Variants in PTPRT observed in about 807,000 individuals in gnomAD.
The protein encoded by PTPRT is receptor-type tyrosine-protein phosphatase T.
PTPRT carries 56 observed loss-of-function variants against 176.8 expected under a neutral mutation model. The ratio of observed to expected loss-of-function variants is 0.32; its 90% CI spans 0.26 to 0.40. The LOEUF is 0.40. PTPRT is among the 10% of genes least tolerant of loss of function. The pLI is 1.00. For synonymous variants in PTPRT, 783 were observed against 739.0 expected (o/e 1.06, Z -0.96); for missense variants, 1,540 against 1,908.2 (o/e 0.81, Z 3.60).
intron 6 of PTPRT, among the ~76,000 whole-genome samples, chr20:42,682,392 A>G (rs2146084946): frequency 6.6e-6 from 1 of 152,304 alleles, no homozygotes; most frequent in African/African-American, 2.4e-5. Flanking sequence ...CTCCTATACC[A>G]TTCCCTCTTA....
At chr20:43,184,421 G>A (rs931461547) in intron 1 of PTPRT, among the ~76,000 whole-genome samples, 1 of 152,146 alleles carries the variant, frequency 6.6e-6, no homozygotes, top group Non-Finnish European at 1.5e-5. Context: ...GGGTGCGGTG[G>A]CTCACACCTG....
intron 9 of PTPRT, among the ~76,000 whole-genome samples, chr20:42,413,921 G>A (rs2059040128): frequency 6.6e-6 from 1 of 152,138 alleles, no homozygotes; most frequent in Admixed American, 6.5e-5. Context: ...CGCAATCTTG[G>A]CTCACCGCAA....
intron 7 of PTPRT, among the ~76,000 whole-genome samples, chr20:42,621,434 C>T (rs779722012): frequency 6.6e-6 from 1 of 152,200 alleles, no homozygotes; most frequent in East Asian, 1.9e-4. Context: ...TAAGTTATCT[C>T]CACTTTTCTT....
chr20:42,205,604 C>T (rs769200864), intron 15 of PTPRT, among the ~76,000 whole-genome samples: 15 of 152,128 alleles, frequency 9.9e-5, no homozygotes, highest in Non-Finnish European at 1.3e-4. Context: ...ATCCAGCCAA[C>T]TGGTGGGGGC....
chr20:43,106,666 G>GAAA (rs71193676), intron 1 of PTPRT, among the ~76,000 whole-genome samples: 3 of 87,000 alleles, frequency 3.4e-5, no homozygotes. Context: ...CTCAAAAAAA[G>GAAA]AAAAAAAAAA....
At chr20:43,017,374 C>A (rs115087796) in intron 1 of PTPRT, among the ~76,000 whole-genome samples, 1 of 152,142 alleles carries the variant, frequency 6.6e-6, no homozygotes, top group Non-Finnish European at 1.5e-5. Context: ...TTTACCCTCA[C>A]CCTCCTTCTC....
At chr20:42,400,319 A>T (rs1484530635) in intron 9 of PTPRT, among the ~76,000 whole-genome samples, 2 of 152,058 alleles carry the variant, frequency 1.3e-5, no homozygotes, top group Admixed American at 6.5e-5. Context: ...TGATTGGTTG[A>T]TTCAACTATT....
intron 9 of PTPRT, among the ~76,000 whole-genome samples, chr20:42,422,799 G>A (rs1290716890): frequency 6.6e-6 from 1 of 152,086 alleles, no homozygotes; most frequent in Non-Finnish European, 1.5e-5. Flanking sequence ...CAACCTAAAT[G>A]CCCATCAATG....
At chr20:42,458,458 T>C (rs2070961293) in intron 8 of PTPRT, among the ~76,000 whole-genome samples, 1 of 152,150 alleles carries the variant, frequency 6.6e-6, no homozygotes, top group Non-Finnish European at 1.5e-5. Flanking sequence ...AAATACTACC[T>C]ACTACATAGG....
chr20:43,045,432 A>T (rs1986791519), intron 1 of PTPRT, among the ~76,000 whole-genome samples: 1 of 149,540 alleles, frequency 6.7e-6, no homozygotes, highest in South Asian at 2.1e-4. Flanking sequence ...CTAAACTCTA[A>T]CTTTTTTCTT....
At chr20:42,408,114 A>G (rs1365854222) in intron 9 of PTPRT, among the ~76,000 whole-genome samples, 1 of 152,128 alleles carries the variant, frequency 6.6e-6, no homozygotes, top group African/African-American at 2.4e-5. Flanking sequence ...TTCACTCAGA[A>G]TCTTCATAAT....
intron 12 of PTPRT, among the ~76,000 whole-genome samples, chr20:42,306,552 C>G (rs1228370918): frequency 1.3e-5 from 2 of 152,144 alleles, no homozygotes; most frequent in East Asian, 3.9e-4. Flanking sequence ...GTCTTCCTCT[C>G]CACTTCAACA....
At chr20:42,104,924 T>C (rs898504391) in intron 24 of PTPRT, among the ~76,000 whole-genome samples, 2 of 152,196 alleles carry the variant, frequency 1.3e-5, no homozygotes, top group African/African-American at 4.8e-5. Context: ...TTGTTTCTGA[T>C]AGAAGATGTA....
chr20:42,163,748 G>A (rs563347278), intron 16 of PTPRT, among the ~76,000 whole-genome samples: 1 of 152,386 alleles, frequency 6.6e-6, no homozygotes, highest in South Asian at 2.1e-4. Flanking sequence ...GGGTAGAAAT[G>A]TCAGGGGAGG....
intron 2 of PTPRT, among the ~76,000 whole-genome samples, chr20:42,796,158 C>T (rs936321740): frequency 6.6e-6 from 1 of 152,188 alleles, no homozygotes; most frequent in East Asian, 1.9e-4. Context: ...AAAGCAGAGA[C>T]TACAGGGTCT....
At chr20:43,169,256 T>C (rs1378330055) in intron 1 of PTPRT, among the ~76,000 whole-genome samples, 2 of 152,360 alleles carry the variant, frequency 1.3e-5, no homozygotes, top group East Asian at 3.9e-4. Context: ...ATTTCACCTT[T>C]TCTTATAACT....
At chr20:43,161,673 A>G (rs1235853778) in intron 1 of PTPRT, among the ~76,000 whole-genome samples, 1 of 152,128 alleles carries the variant, frequency 6.6e-6, no homozygotes, top group East Asian at 1.9e-4. Context: ...CTGTGCACAC[A>G]ACTGAAAGCT....
intron 7 of PTPRT, among the ~76,000 whole-genome samples, chr20:42,486,007 C>T (rs2145351738): frequency 6.6e-6 from 1 of 152,300 alleles, no homozygotes; most frequent in Admixed American, 6.5e-5. Context: ...AATGGAACCC[C>T]AGTAGAACAC....
chr20:42,609,867 G>A (rs1162881690), intron 7 of PTPRT, among the ~76,000 whole-genome samples: 1 of 152,204 alleles, frequency 6.6e-6, no homozygotes, highest in Admixed American at 6.5e-5. Flanking sequence ...AGCCGAGCGT[G>A]AGCACATTTT....
Sources: gnomAD v4.1 joint callset for allele counts (sites outside exome capture counted in the v4.1 genomes callset) on GRCh38, gnomAD v4.1.1 for gene constraint, MANE v1.5 for transcripts, NCBI Gene and HGNC (gene_info 2026-07-23, HGNC 2026-07-21) for gene names.